CDC42BPG: variants seen among roughly 807,000 people sequenced by gnomAD.
CDC42BPG encodes serine/threonine-protein kinase MRCK gamma.
A neutral mutation model predicts 192.2 loss-of-function variants in CDC42BPG; 157 were observed. The observed-to-expected ratio is 0.82, with a 90% confidence interval of 0.72 to 0.93. The LOEUF (loss-of-function observed/expected upper bound fraction) is 0.93, where lower values mean the gene tolerates loss of function less well. Among genes scored for constraint, CDC42BPG ranks in the 40% least tolerant of loss-of-function variants. CDC42BPG has a pLI of 0.00. For synonymous variants in CDC42BPG, 981 were observed against 918.5 expected (o/e 1.07, Z -1.23); for missense variants, 1,992 against 2,122.1 (o/e 0.94, Z 1.20).
At chr11:64,829,396 G>T in intron 30 of CDC42BPG, 75 bp downstream of exon 30, 6 of 1,546,244 alleles carry the variant, frequency 3.9e-6, no homozygotes, top group Non-Finnish European at 5.2e-6. Flanking sequence ...AGGCTCATGA[G>T]TTGAGGCGGG....
At chr11:64,828,928 T>C (rs755630363) in intron 30 of CDC42BPG, among the ~76,000 whole-genome samples, 5 of 152,130 alleles carry the variant, frequency 3.3e-5, no homozygotes, top group Non-Finnish European at 5.9e-5. Context: ...CGTGCACCTG[T>C]AGTCCCAGCT....
At chr11:64,840,087 G>T in intron 5 of CDC42BPG, 33 bp downstream of exon 5, 1 of 1,596,958 alleles carries the variant, frequency 6.3e-7, no homozygotes, top group Non-Finnish European at 8.5e-7. Flanking sequence ...CAGGGCAGCG[G>T]GGTTGGGCAG....
chr11:64,826,153 T>C lies in CDC42BPG; in HGVS notation c.4599+317A>G, dbSNP rs1003254498. Among the ~76,000 whole-genome samples the C allele has an allele frequency of 3.3e-5, 5 of 151,468 alleles. No homozygotes were observed. In the South Asian group the frequency reaches 1.0e-3, roughly 32 times the overall value. ...GGTACTATGCTGAGCCCTTCGCAGG[T>C]ATCATCAGCTCATGCAGGCCTCCCA... On this transcript the variant is annotated intron_variant, in intron 36 of 36. Coordinates refer to ENST00000342711, the MANE Select transcript of CDC42BPG (RefSeq NM_017525.3).
chr11:64,844,236 G>A (rs1943406054), intron 1 of CDC42BPG, among the ~76,000 whole-genome samples, 174 bp downstream of exon 1: 1 of 151,920 alleles, frequency 6.6e-6, no homozygotes. Flanking sequence ...AGGGTGAGGT[G>A]TGCAGGCGAG....
chr11:64,844,313 G>A lies in CDC42BPG; in HGVS notation c.160+97C>T, dbSNP rs910773715. On this transcript the variant is annotated intron_variant, in intron 1 of 36. Coordinates refer to ENST00000342711, the MANE Select transcript of CDC42BPG (RefSeq NM_017525.3). ...TGCAGGGAGTCTGCGAGGGAAGCCC[G>A]TGGGGGTGCGGGTCCCTGCGGGAAA... is the stretch of plus-strand genomic sequence containing the variant. 22 of 1,182,790 alleles carry A rather than the reference G, an allele frequency of 1.9e-5. No homozygotes were observed. In the African/African-American group the frequency reaches 3.2e-4, roughly 17 times the overall value. The allele number at this position is 1,182,790 out of a possible 1,614,324, so 73.3% of individuals were successfully genotyped here.
chr11:64,833,539 C>T, intron 23 of CDC42BPG, 61 bp downstream of exon 23: 2 of 1,469,968 alleles, frequency 1.4e-6, no homozygotes, highest in Non-Finnish European at 1.9e-6. Context: ...CCCCACAGTG[C>T]CCATTCAGCC....
chr11:64,839,281 G>A, intron 6 of CDC42BPG, 48 bp from the exon 7 acceptor site: 1 of 1,605,202 alleles, frequency 6.2e-7, no homozygotes. Context: ...GGGCTTGGCT[G>A]GGACTGCTGG....
chr11:64,836,818 C>T lies in CDC42BPG; in HGVS notation c.1305G>A (p.Glu435=). Residue 435 remains glutamate (E), a splice_region_variant and synonymous_variant, in exon 11 of 37, where the codon GAG becomes GAA. Transcript: ENST00000342711. ...EKVELSRKHQ[E]ALHAPTDHRE... is the part of the protein sequence containing the mutation. ...GATGGTCTGTGGGGGCGTGCAGGGC[C>T]TCTGGAGGGGAGGTGGTACCCACAG... is the stretch of plus-strand genomic sequence containing the variant. The T allele has an allele frequency of 1.2e-6, 2 of 1,607,886 alleles. No homozygotes were observed. The highest frequency in any genetic ancestry group is 1.7e-6 in the Non-Finnish European group (2 of 1,177,374).
rs776077125 is a variant in CDC42BPG, at chr11:64,836,719, G to T, written c.1384+20C>A. 6.3e-5 allele frequency: 53 copies of T among 842,274 alleles called. 4 individuals carry two copies. In the Middle Eastern group the frequency reaches 1.1e-3, roughly 18 times the overall value. 52.2% of individuals were successfully genotyped at this position (842,274 alleles called of 1,614,324 possible). ...GGGACTCAGCCCTGGGGGGGGGGGGGGGGTGGGCGGAAGGGATACCTGGCA... is the reference window on the plus strand; with the variant it reads ...GGGACTCAGCCCTGGGGGGGGGGGGTGGGTGGGCGGAAGGGATACCTGGCA... On this transcript the variant is annotated intron_variant, in intron 11 of 36. Transcript: ENST00000342711.
chr11:64,842,917 T>A (rs1161317173), intron 1 of CDC42BPG, among the ~76,000 whole-genome samples: 1 of 151,896 alleles, frequency 6.6e-6, no homozygotes, highest in Non-Finnish European at 1.5e-5. Flanking sequence ...GTTCCACAGG[T>A]TTATCAGGCA....
chr11:64,830,236 C>G lies in CDC42BPG; in HGVS notation c.3325G>C (p.Gly1109Arg). 6.2e-7 allele frequency: 1 copy of G among 1,611,626 alleles called. No homozygotes were observed. Among genetic ancestry groups the G allele is most frequent in the Non-Finnish European group, 8.5e-7 (1 of 1,178,870 alleles). The change falls in exon 29 of 37, where the codon GGC (glycine) becomes CGC (arginine). Residue 1109 changes from glycine (G) to arginine (R), a missense_variant. This residue lies in a region of CDC42BPG where 1,656 missense variants were observed against 1,844.3 expected (regional missense o/e 0.90). Coordinates refer to ENST00000342711, the MANE Select transcript of CDC42BPG (RefSeq NM_017525.3). ...AILDQDRLALGTEEGLFVIHL... is the reference protein window; with the variant it reads ...AILDQDRLALRTEEGLFVIHL... ...ATGACAAAGAGCCCCTCCTCGGTGC[C>G]AAGCGCAAGTCGATCCTGGTCTGGT...
chr11:64,831,467 G>T, intron 28 of CDC42BPG, 38 bp downstream of exon 28: 1 of 1,561,198 alleles, frequency 6.4e-7, no homozygotes, highest in Non-Finnish European at 8.8e-7. Context: ...ACTCCCGCAG[G>T]CCTGAACTGC....
chr11:64,833,829 G>A lies in CDC42BPG; in HGVS notation c.2474C>T (p.Ser825Phe), dbSNP rs1292274765. ...TCCTGAGATGCCAGGGTCCTTGGCA[G>A]AATCCTTCTGGGGGTGGGAGAGAGA... ...FLSFRSSEKD[S>F]AKDPGISGEA... The change falls in exon 22 of 37, where the codon TCT becomes TTT. Residue 825 changes from serine (S) to phenylalanine (F), a missense_variant. By Grantham distance (155) the Ser-to-Phe change is radical. Around this residue, in one of 2 missense-constraint regions of CDC42BPG, gnomAD observed 1,656 missense variants for 1,844.3 expected, o/e 0.90. Coordinates refer to ENST00000342711, the MANE Select transcript of CDC42BPG (RefSeq NM_017525.3). The A allele has an allele frequency of 6.2e-7, 1 of 1,614,134 alleles. No homozygotes were observed. Among genetic ancestry groups the A allele is most frequent in the African/African-American group, 1.3e-5 (1 of 74,954 alleles).
Position 64,827,559 on chromosome 11 carries a change from A to G in CDC42BPG, c.4118T>C (p.Val1373Ala). 6.2e-7 allele frequency: 1 copy of G among 1,610,658 alleles called. No homozygotes were observed. The highest frequency in any genetic ancestry group is 8.5e-7 in the Non-Finnish European group (1 of 1,178,518). ...CTGGTTCCTGAGGTAGGTCAGGCGGACCTTCTCGGTGCCGTAGAGGAACAG... is the reference window on the plus strand; with the variant it reads ...CTGGTTCCTGAGGTAGGTCAGGCGGGCCTTCTCGGTGCCGTAGAGGAACAG... ...GSLFLYGTEK[V>A]RLTYLRNQLA... Residue 1373 changes from valine to alanine, a missense_variant, in exon 32 of 37, where the codon GTC (valine) becomes GCC (alanine). Transcript: ENST00000342711.
In CDC42BPG at chr11:64,835,057, T is replaced by C; in HGVS notation, c.2050A>G (p.Ile684Val). ...ACCCCTGGCACCCACCAGCTGAGGA[T>C]GTCGGCGAGCTGGGCCTCCCAGTTG... is the stretch of plus-strand genomic sequence containing the variant. ...ESNWEAQLAD[I>V]LSWVNDEKVS... The change falls in exon 17 of 37, where the codon ATC becomes GTC. Residue 684 changes from isoleucine to valine, a missense_variant. Coordinates refer to ENST00000342711, the MANE Select transcript of CDC42BPG (RefSeq NM_017525.3). 1 of 1,437,240 alleles carries C rather than the reference T, an allele frequency of 7.0e-7. No homozygotes were observed. The highest frequency in any genetic ancestry group is 9.3e-7 in the Non-Finnish European group (1 of 1,073,970). The allele number at this position is 1,437,240 out of a possible 1,614,324, so 89.0% of individuals were successfully genotyped here. A position where few individuals can be genotyped will look rare whatever the true frequency, so the allele number is the denominator to read the frequency against.
At chr11:64,838,498 T>C (rs1943125754) in intron 8 of CDC42BPG, among the ~76,000 whole-genome samples, 156 bp downstream of exon 8, 1 of 152,022 alleles carries the variant, frequency 6.6e-6, no homozygotes, top group African/African-American at 2.4e-5. Context: ...CAGCGGATGG[T>C]GGCTGGAACG....
At chr11:64,826,893 C>A in intron 34 of CDC42BPG, 99 bp from the exon 35 acceptor site, 1 of 1,346,692 alleles carries the variant, frequency 7.4e-7, no homozygotes, top group East Asian at 2.4e-5. Context: ...CCACTGGGCC[C>A]CCAGCCTGGT....
intron 23 of CDC42BPG, 118 bp from the exon 24 acceptor site, chr11:64,833,454 C>T (rs1258658950): frequency 6.2e-6 from 6 of 974,070 alleles, no homozygotes; most frequent in Middle Eastern, 3.2e-4. Context: ...CCCAGCCAAT[C>T]TATGGCGGCA....
At chr11:64,832,085 G>A (rs923757237) in intron 27 of CDC42BPG, among the ~76,000 whole-genome samples, 6 of 152,238 alleles carry the variant, frequency 3.9e-5, no homozygotes, top group Non-Finnish European at 2.9e-5. Context: ...CAGATGTGAA[G>A]GACTGAGAAT....
Sources: allele counts gnomAD v4.1 joint callset (sites outside exome capture counted in the v4.1 genomes callset), GRCh38; gene constraint gnomAD v4.1.1; regional missense constraint gnomAD v4.1.1; transcripts MANE v1.5; gene names NCBI Gene and HGNC (gene_info 2026-07-23, HGNC 2026-07-21).